YAP1: variants seen among roughly 807,000 people sequenced by gnomAD.
YAP1 encodes the protein transcriptional coactivator YAP1.
Under a neutral mutation model 56.9 loss-of-function variants are expected in YAP1, and 5 were observed. The ratio of observed to expected loss-of-function variants is 0.09; its 90% confidence interval spans 0.05 to 0.18. The LOEUF (loss-of-function observed/expected upper bound fraction) is 0.18, where lower values mean the gene tolerates loss of function less well. Ranked by LOEUF, YAP1 falls within the 10% of genes least tolerant of loss-of-function variation. The probability of loss-of-function intolerance (pLI) is 1.00; values close to 1 mark genes in which losing one functional copy is unlikely to be tolerated. For synonymous variants in YAP1, 265 were observed against 248.1 expected (o/e 1.07, Z -0.64); for missense variants, 539 against 651.8 (o/e 0.83, Z 1.88).
intron 5 of YAP1, among the ~76,000 whole-genome samples, chr11:102,208,600 C>G (rs1048601488): frequency 6.6e-6 from 1 of 151,896 alleles, no homozygotes; most frequent in African/African-American, 2.4e-5. Flanking sequence ...CACCTTAGAA[C>G]CATCAAAAAT....
At position 102,113,535 on chromosome 11, in the gene YAP1, G is replaced by A. The variant is rs1015180779; in HGVS notation, c.322-609G>A. Among the ~76,000 whole-genome samples, 32 of 151,996 alleles carry A rather than the reference G, an allele frequency of 2.1e-4. 1 individual carries two copies. Among genetic ancestry groups the A allele is most frequent in the Non-Finnish European group, 2.9e-5 (2 of 68,002 alleles). Reference sequence around the variant, plus strand: ...CTTCTACATACAAAGATATAGTTGGGTTTTTTTCATCCTGTTCATTGTAGA... The same window carrying A: ...CTTCTACATACAAAGATATAGTTGGATTTTTTTCATCCTGTTCATTGTAGA... On this transcript the variant is annotated intron_variant, in intron 1 of 8. Transcript: ENST00000282441.
At chr11:102,130,846 A>G (rs1463051134) in intron 2 of YAP1, among the ~76,000 whole-genome samples, 1 of 147,988 alleles carries the variant, frequency 6.8e-6, no homozygotes, top group African/African-American at 2.5e-5. Flanking sequence ...AAAATCATGT[A>G]GTTTGGATGG....
At chr11:102,115,508 T>G (rs778748072) in intron 2 of YAP1, among the ~76,000 whole-genome samples, 1 of 151,916 alleles carries the variant, frequency 6.6e-6, no homozygotes, top group Non-Finnish European at 1.5e-5. Context: ...TGTGACAGAC[T>G]TACAGAAGAG....
intron 2 of YAP1, among the ~76,000 whole-genome samples, chr11:102,132,105 G>A (rs540777739): frequency 2.6e-4 from 40 of 152,100 alleles, no homozygotes; most frequent in East Asian, 2.1e-3. Flanking sequence ...GCAACAGAGC[G>A]AGACCCTGTG....
rs1591082976 is a variant in YAP1, at chr11:102,110,669, G to A, written c.-180G>A. ...TGGAGCCGGGGCGCAGGGCGGGGGC[G>A]GAGGCGCCGGGGCGGGGGATGCGGG... On this transcript the variant is annotated 5_prime_UTR_variant, in exon 1 of 9. Coordinates refer to ENST00000282441, the MANE Select transcript of YAP1 (RefSeq NM_001130145.3). 1 of 391,698 alleles carries A rather than the reference G, an allele frequency of 2.6e-6. No homozygotes were observed. The highest frequency in any genetic ancestry group is 3.9e-6 in the Non-Finnish European group (1 of 258,710). 24.3% of individuals were successfully genotyped at this position (391,698 alleles called of 1,614,324 possible).
intron 3 of YAP1, among the ~76,000 whole-genome samples, chr11:102,165,275 G>A (rs996668672): frequency 6.6e-6 from 1 of 152,110 alleles, no homozygotes; most frequent in African/African-American, 2.4e-5. Context: ...TGGGAGGATG[G>A]CTTGAGCCTG....
intron 2 of YAP1, among the ~76,000 whole-genome samples, chr11:102,156,918 A>T (rs890065422): frequency 2.0e-5 from 3 of 152,150 alleles, no homozygotes; most frequent in Non-Finnish European, 1.5e-5. Context: ...TTTTTTGTCA[A>T]CATGTTTAAG....
chr11:102,176,776 A>AG (rs1947285449), intron 3 of YAP1, among the ~76,000 whole-genome samples: 1 of 137,424 alleles, frequency 7.3e-6, no homozygotes, highest in African/African-American at 2.7e-5. Flanking sequence ...AAAAAAAAAA[A>AG]GAGTAGAATT....
At chr11:102,187,649 A>G (rs141742977) in intron 4 of YAP1, among the ~76,000 whole-genome samples, 20 of 152,324 alleles carry the variant, frequency 1.3e-4, no homozygotes, top group African/African-American at 4.1e-4. Flanking sequence ...CGCTTTACCA[A>G]CTGCAGAGAT....
At chr11:102,224,096 A>G (rs1374643666) in intron 7 of YAP1, among the ~76,000 whole-genome samples, 3 of 152,202 alleles carry the variant, frequency 2.0e-5, no homozygotes. Flanking sequence ...TGTTAAACCT[A>G]CTTAGGATTG....
intron 2 of YAP1, among the ~76,000 whole-genome samples, chr11:102,161,345 T>TCC (rs1348524557): frequency 7.1e-6 from 1 of 141,148 alleles, no homozygotes; most frequent in African/African-American, 2.6e-5. Flanking sequence ...GTACTTTCAC[T>TCC]ACACACACAC....
chr11:102,182,855 T>C (rs1947709633), intron 3 of YAP1, among the ~76,000 whole-genome samples: 1 of 152,232 alleles, frequency 6.6e-6, no homozygotes, highest in Non-Finnish European at 1.5e-5. Context: ...ATAAAATGAA[T>C]ATAAAGTATT....
intron 3 of YAP1, among the ~76,000 whole-genome samples, chr11:102,173,038 A>C (rs1947009687): frequency 6.6e-6 from 1 of 152,202 alleles, no homozygotes; most frequent in African/African-American, 2.4e-5. Context: ...ACATGGTATC[A>C]GTAACTTTTT....
chr11:102,111,756 C>G (rs1339533508), intron 1 of YAP1, among the ~76,000 whole-genome samples: 1 of 152,176 alleles, frequency 6.6e-6, no homozygotes, highest in African/African-American at 2.4e-5. Context: ...CTCTTGTTTT[C>G]CAGTGTTGAT....
rs371019688 is a variant in YAP1 at position 102,173,134 on chromosome 11, G to C, written c.688+10563G>C. On this transcript the variant is annotated intron_variant, in intron 3 of 8. Coordinates refer to ENST00000282441, the MANE Select transcript of YAP1 (RefSeq NM_001130145.3). ...TGGTGGTGATGAAAGTGATTGGGTT[G>C]AGGACTTGAGTACTAGTGGACGAGT... Among the ~76,000 whole-genome samples, 127 of 152,306 alleles carry C rather than the reference G, an allele frequency of 8.3e-4. 1 individual carries two copies. The highest frequency in any genetic ancestry group is 2.8e-3 in the African/African-American group (115 of 41,572).
intron 4 of YAP1, among the ~76,000 whole-genome samples, chr11:102,192,560 G>C (rs936367715): frequency 2.6e-5 from 4 of 152,162 alleles, no homozygotes; most frequent in African/African-American, 9.7e-5. Flanking sequence ...AGAGACCCAA[G>C]TTCTGCTATC....
chr11:102,174,048 C>G (rs1947079320), intron 3 of YAP1, among the ~76,000 whole-genome samples: 1 of 152,136 alleles, frequency 6.6e-6, no homozygotes, highest in African/African-American at 2.4e-5. Context: ...GGATTGGGAC[C>G]TGAGATTCTG....
chr11:102,117,470 G>A (rs1211235112), intron 2 of YAP1, among the ~76,000 whole-genome samples: 1 of 152,238 alleles, frequency 6.6e-6, no homozygotes, highest in Non-Finnish European at 1.5e-5. Flanking sequence ...GCAAGACGAT[G>A]TAATTTGAGA....
chr11:102,175,123 T>G (rs1947160612), intron 3 of YAP1, among the ~76,000 whole-genome samples: 2 of 152,158 alleles, frequency 1.3e-5, no homozygotes, highest in African/African-American at 4.8e-5. Flanking sequence ...GCCCAAAGCT[T>G]ATTTTCATCA....
Sources: allele counts gnomAD v4.1 joint callset (sites outside exome capture counted in the v4.1 genomes callset), GRCh38; gene constraint gnomAD v4.1.1; transcripts MANE v1.5; gene names NCBI Gene and HGNC (gene_info 2026-07-23, HGNC 2026-07-21).